ZMYM2: variants seen among roughly 807,000 people sequenced by gnomAD.
The protein encoded by ZMYM2 is zinc finger MYM-type containing 2, also known as zinc finger MYM-type protein 2.
Under a neutral mutation model 162.8 loss-of-function variants are expected in ZMYM2, and 56 were observed. The ratio of observed to expected loss-of-function variants is 0.34; its 90% CI spans 0.28 to 0.43. The LOEUF (loss-of-function observed/expected upper bound fraction) is 0.43. ZMYM2 is among the 20% of genes least tolerant of loss of function. The pLI is 1.00. For synonymous variants in ZMYM2, 510 were observed against 541.6 expected, an observed-to-expected ratio of 0.94 and a Z score of 0.81; for missense variants, 1,275 against 1,621.8, an observed-to-expected ratio of 0.79 and a Z score of 3.67.
chr13:19,925,001 C>T, the ZMYM2 span, among the ~76,000 whole-genome samples: 4 of 151,778 alleles, frequency 2.6e-5, no homozygotes, highest in Non-Finnish European at 1.5e-5. Flanking sequence ...TCTCCTGCCT[C>T]AGTCTCCTGA....
the ZMYM2 span, among the ~76,000 whole-genome samples, chr13:19,916,681 GGC>G: frequency 3.3e-5 from 5 of 150,032 alleles, no homozygotes; most frequent in Admixed American, 6.7e-5. Context: ...TTGGACACAG[GGC>G]AGGGAACATC....
chr13:19,953,282 T>G, the ZMYM2 span, among the ~76,000 whole-genome samples: 1 of 152,190 alleles, frequency 6.6e-6, no homozygotes, highest in Non-Finnish European at 1.5e-5. Context: ...TTCCAGGCAT[T>G]GTTAATAAGC....
At position 20,087,580 on chromosome 13, in the gene ZMYM2, A is replaced by G. The variant is rs1958346104; in HGVS notation, c.*1566A>G. 4 of 185,520 alleles carry G rather than the reference A, an allele frequency of 2.2e-5. No homozygotes were observed. The allele number at this position is 185,520 out of a possible 1,614,324, so 11.5% of individuals were successfully genotyped here. ...CCATAGGATAAATGTTACAGCACAC[A>G]AAAGAAATTTTCTCAATTCTGATTT... is the stretch of plus-strand genomic sequence containing the variant. On this transcript the variant is annotated 3_prime_UTR_variant, in exon 25 of 25. Coordinates refer to ENST00000610343, the MANE Select transcript of ZMYM2 (RefSeq NM_197968.4).
intron 15 of ZMYM2, 37 bp from the exon 16 acceptor site, chr13:20,059,410 G>C: frequency 6.2e-7 from 1 of 1,606,976 alleles, no homozygotes; most frequent in Non-Finnish European, 8.5e-7. Flanking sequence ...ATAAGTGTTA[G>C]TTAACATTGC....
the ZMYM2 span, among the ~76,000 whole-genome samples, chr13:19,887,541 T>A: frequency 1.3e-5 from 2 of 149,428 alleles, no homozygotes; most frequent in African/African-American, 2.5e-5. Flanking sequence ...AAAAAAAAAA[T>A]ACAATATAAT....
chr13:19,946,653 T>G, the ZMYM2 span, among the ~76,000 whole-genome samples: 3 of 152,342 alleles, frequency 2.0e-5, no homozygotes, highest in Admixed American at 6.5e-5. Context: ...ACTACATCCG[T>G]GTGATTCACT....
intron 7 of ZMYM2, among the ~76,000 whole-genome samples, chr13:20,023,226 C>T (rs752167602): frequency 6.6e-6 from 1 of 151,986 alleles, no homozygotes; most frequent in Admixed American, 6.6e-5. Flanking sequence ...CTTTACTGTG[C>T]GATGTCACAG....
intron 2 of ZMYM2, among the ~76,000 whole-genome samples, chr13:19,971,231 T>TGG (rs1956286432): frequency 2.3e-5 from 1 of 43,396 alleles, no homozygotes; most frequent in South Asian, 1.3e-3. Flanking sequence ...TATATATATG[T>TGG]GTGTGTGTGT....
In ZMYM2 at chr13:20,031,375, G is replaced by C; in HGVS notation, c.1908G>C (p.Gln636His). 6.2e-7 allele frequency: 1 copy of C among 1,607,914 alleles called. No individual in the cohort carries two copies. Among genetic ancestry groups the C allele is most frequent in the African/African-American group, 1.3e-5 (1 of 74,704 alleles). Residue 636 changes from glutamine to histidine, a missense_variant, in exon 10 of 25, where the codon CAG becomes CAC. Gln to His is a conservative substitution (Grantham distance 24). Transcript: ENST00000610343. The stretch of plus-strand genomic sequence containing the variant: ...AGTTTGTAGCGCCAAGTGATATTCA[G>C]TTGAAATGCAACTACTGCAAAAATT... ...NGQFVAPSDI[Q>H]LKCNYCKNSF...
chr13:19,993,743 A>G lies in ZMYM2; in HGVS notation c.671A>G (p.Asn224Ser), dbSNP rs1337850152. The G allele has an allele frequency of 1.2e-6, 2 of 1,614,092 alleles. No individual in the cohort carries two copies. The highest frequency in any genetic ancestry group is 1.7e-5 in the Admixed American group (1 of 60,030). ...ITHVTSLQNT[N>S]LGDVSNGLQS... is the part of the protein sequence containing the mutation. ...CATGTAACATCACTGCAGAATACCA[A>G]CTTGGGAGATGTCTCTAACGGACTG... Residue 224 changes from asparagine (N) to serine (S), a missense_variant, in exon 3 of 25, where the codon AAC becomes AGC. This residue lies in a region of ZMYM2 where 295 missense variants were observed against 286.7 expected (regional missense o/e 1.03). Coordinates refer to ENST00000610343, the MANE Select transcript of ZMYM2 (RefSeq NM_197968.4).
At position 19,993,845 on chromosome 13, in the gene ZMYM2, C is replaced by T; in HGVS notation, c.773C>T (p.Pro258Leu). ...TCACAGACCAAGACTGGAGTAGGAC[C>T]TTTTAATCCTGGTAGAATGAATGTG... ...LTSQTKTGVG[P>L]FNPGRMNVAG... The change falls in exon 3 of 25, where the codon CCT becomes CTT. Residue 258 changes from proline to leucine, a missense_variant. Pro to Leu is a moderately conservative substitution (Grantham distance 98, BLOSUM62 -3). This residue lies in a region of ZMYM2 where 115 missense variants were observed against 175.3 expected (regional missense o/e 0.66). Coordinates refer to ENST00000610343, the MANE Select transcript of ZMYM2 (RefSeq NM_197968.4). 1 of 1,613,996 alleles carries T rather than the reference C, an allele frequency of 6.2e-7. No individual in the cohort carries two copies. Among genetic ancestry groups the T allele is most frequent in the South Asian group, 1.1e-5 (1 of 91,050 alleles).
At chr13:20,082,436 C>T (rs373506307) in intron 22 of ZMYM2, among the ~76,000 whole-genome samples, 6 of 151,994 alleles carry the variant, frequency 3.9e-5, no homozygotes, top group East Asian at 3.8e-4. Flanking sequence ...GTTTTCAGTC[C>T]GTGAAGAAAA....
At chr13:19,901,097 G>A in the ZMYM2 span, among the ~76,000 whole-genome samples, 2 of 152,104 alleles carry the variant, frequency 1.3e-5, no homozygotes, top group Admixed American at 1.3e-4. Flanking sequence ...CAGGGAGAGA[G>A]AGAGAGAAAT....
intron 1 of ZMYM2, among the ~76,000 whole-genome samples, chr13:19,959,238 T>A (rs1370109224): frequency 6.7e-6 from 1 of 149,546 alleles, no homozygotes; most frequent in East Asian, 2.0e-4. Context: ...CGCGGGGCAT[T>A]TTCCTTTCTC....
intron 7 of ZMYM2, chr13:20,024,716 G>C (rs1367639049): frequency 1.4e-5 from 3 of 219,532 alleles, no homozygotes; most frequent in Non-Finnish European, 2.7e-5. Context: ...AAAAAGCAGA[G>C]CATTCTCTTC....
At chr13:19,888,120 C>T in the ZMYM2 span, among the ~76,000 whole-genome samples, 1 of 151,786 alleles carries the variant, frequency 6.6e-6, no homozygotes, top group African/African-American at 2.4e-5. Flanking sequence ...CTCAAGTGAT[C>T]CTCCTAGCTT....
At chr13:19,887,582 T>C in the ZMYM2 span, among the ~76,000 whole-genome samples, 1 of 151,780 alleles carries the variant, frequency 6.6e-6, no homozygotes, top group East Asian at 1.9e-4. Flanking sequence ...CATTTATTTG[T>C]TGGAATACTT....
chr13:19,937,150 T>A, the ZMYM2 span, among the ~76,000 whole-genome samples: 1 of 151,722 alleles, frequency 6.6e-6, no homozygotes, highest in African/African-American at 2.4e-5. Flanking sequence ...GTTAGTATTC[T>A]ACTTTTTTTT....
chr13:20,025,920 A>AAT (rs1952542268), intron 7 of ZMYM2: 1 of 152,176 alleles, frequency 6.6e-6, no homozygotes, highest in Middle Eastern at 3.2e-3. Context: ...CATTACAATC[A>AAT]CTGAGTGAAA....
Sources: allele counts gnomAD v4.1 joint callset (sites outside exome capture counted in the v4.1 genomes callset), GRCh38; gene constraint gnomAD v4.1.1; regional missense constraint gnomAD v4.1.1; transcripts MANE v1.5; gene names NCBI Gene and HGNC (gene_info 2026-07-23, HGNC 2026-07-21).